TUBGCP3: variants seen among roughly 807,000 people sequenced by gnomAD.
TUBGCP3 encodes gamma-tubulin complex component 3.
A neutral mutation model predicts 123.1 loss-of-function variants in TUBGCP3; 50 were observed. The ratio of observed to expected loss-of-function variants is 0.41; its 90% CI spans 0.32 to 0.51. The LOEUF (loss-of-function observed/expected upper bound fraction) is 0.51. Ranked by LOEUF, TUBGCP3 falls within the 20% of genes least tolerant of loss-of-function variation. The pLI, the probability that TUBGCP3 is intolerant of heterozygous loss-of-function variation, is 0.36. For missense variants in TUBGCP3, 882 were observed against 1,127.0 expected (o/e 0.78, Z 3.11); for synonymous variants, 405 against 413.9 (o/e 0.98, Z 0.26).
chr13:112,535,346 AT>A (rs1281944174), intron 11 of TUBGCP3, among the ~76,000 whole-genome samples: 2 of 152,080 alleles, frequency 1.3e-5, no homozygotes, highest in African/African-American at 2.4e-5. Flanking sequence ...TCCATATTTA[AT>A]TTTTTTAGAA....
At position 112,588,001 on chromosome 13, in the gene TUBGCP3, G is replaced by A. The variant is rs1307740573; in HGVS notation, c.-21C>T. On this transcript the variant is annotated 5_prime_UTR_variant, in exon 1 of 22. Transcript: ENST00000261965. ...GCCATCCTCGCCCGGAGCCGTGCAC[G>A]GTGGTCCGGGCAGAGCCGCCACTGC... 13 of 1,503,348 alleles carry A rather than the reference G, an allele frequency of 8.6e-6. No individual in the cohort carries two copies. Among genetic ancestry groups the A allele is most frequent in the South Asian group, 3.8e-5 (3 of 79,446 alleles). 93.1% of individuals were successfully genotyped at this position (1,503,348 alleles called of 1,614,324 possible).
intron 11 of TUBGCP3, among the ~76,000 whole-genome samples, chr13:112,541,541 CA>C (rs57599177): frequency 0.36 from 37,109 of 102,594 alleles, 5,587 homozygotes; most frequent in African/African-American, 0.49. Context: ...GACTCCGTCT[CA>C]AAAAAAAAAA....
At chr13:112,552,659 T>A (rs539702864) in intron 8 of TUBGCP3, among the ~76,000 whole-genome samples, 1 of 152,298 alleles carries the variant, frequency 6.6e-6, no homozygotes, top group East Asian at 1.9e-4. Context: ...ACGTGACCAT[T>A]ACAGGAGAAG....
Position 112,545,574 on chromosome 13 carries a change from T to C in TUBGCP3, c.1335+125A>G, listed in dbSNP as rs1012164523. ...GCACTGTGTAAAATGTATATGGTAT[T>C]CAATGGAAGTGCAGTTGCATTCCTG... is the stretch of plus-strand genomic sequence containing the variant. On this transcript the variant is annotated intron_variant, in intron 11 of 21. Coordinates refer to ENST00000261965, the MANE Select transcript of TUBGCP3 (RefSeq NM_006322.6). This position sits in a 1 kb window ranked among gnomAD's most constrained non-coding sequence, Gnocchi z 4.1. The C allele has an allele frequency of 9.3e-7, 1 of 1,070,858 alleles. No individual in the cohort carries two copies. Among genetic ancestry groups the C allele is most frequent in the Non-Finnish European group, 1.4e-6 (1 of 720,068 alleles). 66.3% of individuals were successfully genotyped at this position (1,070,858 alleles called of 1,614,324 possible).
At position 112,509,268 on chromosome 13, in the gene TUBGCP3, C is replaced by T. The variant is rs577715810; in HGVS notation, c.2087-4554G>A. ...TTCCCGTATCGATTGACTGTAAGAT[C>T]CTGTGTAAACATCTGTTCTGCCCTA... On this transcript the variant is annotated intron_variant, in intron 17 of 21. Transcript: ENST00000261965. 8.5e-5 allele frequency among the ~76,000 whole-genome samples: 13 copies of T among 152,330 alleles called. No homozygotes were observed. In the South Asian group the frequency reaches 2.3e-3, roughly 27 times the overall value.
intron 1 of TUBGCP3, among the ~76,000 whole-genome samples, chr13:112,569,474 CAG>C (rs1455894539): frequency 2.0e-5 from 3 of 151,982 alleles, no homozygotes; most frequent in Non-Finnish European, 2.9e-5. Flanking sequence ...AGTAACACAC[CAG>C]AGAGTCTGAA....
At chr13:112,598,985 G>A in the TUBGCP3 span, among the ~76,000 whole-genome samples, 1 of 146,846 alleles carries the variant, frequency 6.8e-6, no homozygotes, top group Non-Finnish European at 1.5e-5. Context: ...ACAATAAAAG[G>A]TTTCTATAAA....
intron 3 of TUBGCP3, among the ~76,000 whole-genome samples, chr13:112,561,747 T>C (rs1225755549): frequency 6.6e-6 from 1 of 152,016 alleles, no homozygotes; most frequent in African/African-American, 2.4e-5. Context: ...GACCGGTAGG[T>C]GAAGGGAAAG....
chr13:112,563,340 G>A (rs1285549012), intron 3 of TUBGCP3, among the ~76,000 whole-genome samples: 1 of 152,164 alleles, frequency 6.6e-6, no homozygotes, highest in African/African-American at 2.4e-5. Flanking sequence ...GCAAAATGAT[G>A]GAATGGCTAC....
At chr13:112,554,807 T>C in intron 7 of TUBGCP3, 80 bp downstream of exon 7, 1 of 981,922 alleles carries the variant, frequency 1.0e-6, no homozygotes, top group Non-Finnish European at 1.5e-6. Flanking sequence ...TACCACCTTA[T>C]CAATCAACAG....
At chr13:112,589,920 C>A (rs537035688), upstream of TUBGCP3, among the ~76,000 whole-genome samples, 58 of 152,070 alleles carry the variant, frequency 3.8e-4, no homozygotes, top group Non-Finnish European at 8.1e-4. Context: ...GTGGCACATG[C>A]GCTTCTGAGA....
intron 13 of TUBGCP3, 134 bp downstream of exon 13, chr13:112,526,808 A>C: frequency 3.0e-6 from 2 of 661,692 alleles, no homozygotes; most frequent in Non-Finnish European, 5.2e-6. Context: ...TCATCACATC[A>C]CCATCATCCC....
intron 1 of TUBGCP3, among the ~76,000 whole-genome samples, chr13:112,574,885 G>A (rs1018880791): frequency 6.6e-6 from 1 of 152,218 alleles, no homozygotes; most frequent in Non-Finnish European, 1.5e-5. Context: ...ACCACAAACA[G>A]GCAAAGACAG....
intron 11 of TUBGCP3, among the ~76,000 whole-genome samples, chr13:112,528,191 A>T (rs983445572): frequency 1.2e-4 from 18 of 152,234 alleles, no homozygotes; most frequent in Non-Finnish European, 2.6e-4. Context: ...CTTCCAGTTT[A>T]TTTGCCACTA....
At chr13:112,494,355 C>G (rs765814414) in intron 20 of TUBGCP3, among the ~76,000 whole-genome samples, 28 of 152,254 alleles carry the variant, frequency 1.8e-4, no homozygotes, top group Non-Finnish European at 3.1e-4. Context: ...AGAGTCTTCT[C>G]ACATCCTCAC....
At chr13:112,556,780 AT>A (rs926240303) in intron 5 of TUBGCP3, among the ~76,000 whole-genome samples, 8 of 152,264 alleles carry the variant, frequency 5.3e-5, no homozygotes, top group African/African-American at 1.9e-4. Context: ...AGGCAAATGC[AT>A]ATTCAAGGTC....
intron 19 of TUBGCP3, 116 bp downstream of exon 19, chr13:112,503,916 A>G (rs1881099732): frequency 3.9e-6 from 5 of 1,293,504 alleles, no homozygotes; most frequent in Non-Finnish European, 5.2e-6. Flanking sequence ...AAATTATCTG[A>G]ATTATTACCA....
At chr13:112,591,375 G>C (rs1882879767), upstream of TUBGCP3, among the ~76,000 whole-genome samples, 1 of 152,238 alleles carries the variant, frequency 6.6e-6, no homozygotes, top group Non-Finnish European at 1.5e-5. Flanking sequence ...CCTGTATCTA[G>C]ACAAACCCTT....
chr13:112,490,648 T>G (rs896621099), intron 20 of TUBGCP3, among the ~76,000 whole-genome samples: 2 of 152,268 alleles, frequency 1.3e-5, no homozygotes, highest in East Asian at 3.8e-4. Flanking sequence ...TCATAAATTA[T>G]GCTTTTAAAT....
Sources: allele counts gnomAD v4.1 joint callset (sites outside exome capture counted in the v4.1 genomes callset), GRCh38; gene constraint gnomAD v4.1.1; non-coding constraint Gnocchi (gnomAD v3.1); transcripts MANE v1.5; gene names NCBI Gene and HGNC (gene_info 2026-07-23, HGNC 2026-07-21).